The following ARHGEF33 variants were observed in gnomAD, a reference collection of about 807,000 sequenced individuals.
The protein encoded by ARHGEF33 is DH and coiled-coil domain-containing protein ENSP00000381780.
In ARHGEF33, 72 loss-of-function variants were observed where a neutral mutation model predicts 101.9. The observed-to-expected ratio is 0.71, with a 90% CI of 0.58 to 0.86. ARHGEF33 has a LOEUF of 0.86. ARHGEF33 is among the 40% of genes least tolerant of loss of function. ARHGEF33 has a pLI of 0.00. For missense variants in ARHGEF33, 1,169 were observed against 1,111.3 expected, an observed-to-expected ratio of 1.05 and a Z score of -0.74; for synonymous variants, 499 against 442.5, an observed-to-expected ratio of 1.13 and a Z score of -1.60.
At position 38,891,238 on chromosome 2, in the gene ARHGEF33, T is replaced by A. The variant is rs191635312; in HGVS notation, c.-159+1252T>A. Among the ~76,000 whole-genome samples the A allele has an allele frequency of 2.6e-5, 4 of 152,268 alleles. No individual in the cohort carries two copies. In the East Asian group the frequency reaches 7.7e-4, roughly 29 times the overall value. ...TGTGAGCCACCATGCTCGGCCTTAT[T>A]GTTAACTTTTTCTTAATTCCCTTTA... On this transcript the variant is annotated intron_variant, in intron 1 of 17. Coordinates refer to ENST00000409978, the MANE Select transcript of ARHGEF33 (RefSeq NM_001145451.5).
At position 38,953,178 on chromosome 2, in the gene ARHGEF33, A is replaced by G; in HGVS notation, c.1070A>G (p.Tyr357Cys). 1 of 1,519,576 alleles carries G rather than the reference A, an allele frequency of 6.6e-7. No individual in the cohort carries two copies. The highest frequency in any genetic ancestry group is 1.2e-5 in the South Asian group (1 of 83,450). 94.1% of individuals were successfully genotyped at this position (1,519,576 alleles called of 1,614,324 possible). A position where few individuals can be genotyped will look rare whatever the true frequency, so the allele number is the denominator to read the frequency against. ...LTNDENNFLD[Y>C]YVAYLRDLPE... ...GTTTTAAAGAATAATTTCTTGGATTATTATGTTGCCTACCTAAGGGACCTG... is the reference window on the plus strand; with the variant it reads ...GTTTTAAAGAATAATTTCTTGGATTGTTATGTTGCCTACCTAAGGGACCTG... The change falls in exon 12 of 18, where the codon TAT (tyrosine) becomes TGT (cysteine). Residue 357 changes from tyrosine to cysteine, a missense_variant. By Grantham distance (194) the Tyr-to-Cys change is radical (BLOSUM62 -2). Transcript: ENST00000409978.
intron 14 of ARHGEF33, 110 bp from the exon 15 acceptor site, chr2:38,957,924 T>G (rs774446480): frequency 2.2e-6 from 3 of 1,352,414 alleles, no homozygotes; most frequent in Non-Finnish European, 3.0e-6. Flanking sequence ...ATAGAGACCT[T>G]CACAGCAAAC....
intron 2 of ARHGEF33, among the ~76,000 whole-genome samples, chr2:38,902,424 A>G (rs1666268790): frequency 6.6e-6 from 1 of 152,208 alleles, no homozygotes; most frequent in African/African-American, 2.4e-5. Context: ...GGGACTCTGT[A>G]GTGAAGCATT....
At chr2:38,894,565 C>T (rs1301369748) in intron 1 of ARHGEF33, among the ~76,000 whole-genome samples, 1 of 152,174 alleles carries the variant, frequency 6.6e-6, no homozygotes, top group African/African-American at 2.4e-5. Flanking sequence ...TGAGAGGCCC[C>T]CAGGTTCCTG....
At chr2:38,951,904 C>A (rs1252251284) in intron 11 of ARHGEF33, among the ~76,000 whole-genome samples, 1 of 152,164 alleles carries the variant, frequency 6.6e-6, no homozygotes, top group African/African-American at 2.4e-5. Flanking sequence ...CCAGAGGCTG[C>A]AAACTCAAAT....
chr2:38,905,996 C>T (rs1244316213), intron 2 of ARHGEF33, among the ~76,000 whole-genome samples: 1 of 152,022 alleles, frequency 6.6e-6, no homozygotes, highest in African/African-American at 2.4e-5. Flanking sequence ...GTAATCCCAA[C>T]ACTTTGGGAG....
At chr2:38,926,254 C>T (rs1375838665) in intron 4 of ARHGEF33, among the ~76,000 whole-genome samples, 2 of 152,164 alleles carry the variant, frequency 1.3e-5, no homozygotes, top group African/African-American at 4.8e-5. Flanking sequence ...GTTCAACTCG[C>T]TGGAGAACAA....
chr2:38,970,926 C>T (rs1437867354), intron 17 of ARHGEF33, among the ~76,000 whole-genome samples: 1 of 152,152 alleles, frequency 6.6e-6, no homozygotes, highest in Admixed American at 6.5e-5. Flanking sequence ...ATCAGATTGC[C>T]TCCACGATAC....
At chr2:38,955,596 C>T (rs1240256155) in intron 13 of ARHGEF33, among the ~76,000 whole-genome samples, 3 of 145,976 alleles carry the variant, frequency 2.1e-5, no homozygotes, top group African/African-American at 7.6e-5. Context: ...ACCTCCCAGG[C>T]TCAAGCAATG....
At chr2:38,894,414 A>G (rs1013113436) in intron 1 of ARHGEF33, among the ~76,000 whole-genome samples, 3 of 53,146 alleles carry the variant, frequency 5.6e-5, no homozygotes, top group African/African-American at 1.3e-4. Context: ...TAATCTGTAT[A>G]TGCTGGGGGA....
At position 38,939,582 on chromosome 2, in the gene ARHGEF33, TA is replaced by T. The variant is rs200307597; in HGVS notation, c.790+2024del. Among the ~76,000 whole-genome samples the T allele has an allele frequency of 2.4e-4, 36 of 152,332 alleles. No homozygotes were observed. In the East Asian group the frequency reaches 6.9e-3, roughly 29 times the overall value. ...TAATTTGCAGTTCCCTGGTGATTAT[TA>T]GTATTAAGTATGTTTTTATATGCTT... is the stretch of plus-strand genomic sequence containing the variant. On this transcript the variant is annotated intron_variant, in intron 9 of 17. Transcript: ENST00000409978.
intron 2 of ARHGEF33, among the ~76,000 whole-genome samples, chr2:38,897,652 G>C (rs1245745098): frequency 6.6e-6 from 1 of 152,174 alleles, no homozygotes; most frequent in Non-Finnish European, 1.5e-5. Flanking sequence ...TGGGAGTATG[G>C]ATCCCTGAAC....
At position 38,928,993 on chromosome 2, in the gene ARHGEF33, G is replaced by T; in HGVS notation, c.162G>T (p.Leu54Phe). 1 of 1,551,350 alleles carries T rather than the reference G, an allele frequency of 6.4e-7. No individual in the cohort carries two copies. ...LSRIQHGEYA[L>F]EEKVKSCRCS... ...GAATTCAACATGGAGAATATGCTTT[G>T]GAAGAAAAGGTTAAGAGCTGCAGAT... The change falls in exon 5 of 18, where the codon TTG becomes TTT. Residue 54 changes from leucine to phenylalanine, a missense_variant. Physicochemically the swap from Leu to Phe is conservative, Grantham distance 22. Coordinates refer to ENST00000409978, the MANE Select transcript of ARHGEF33 (RefSeq NM_001145451.5).
intron 9 of ARHGEF33, among the ~76,000 whole-genome samples, chr2:38,942,816 G>GT (rs2124400929): frequency 6.6e-6 from 1 of 152,294 alleles, no homozygotes; most frequent in South Asian, 2.1e-4. Context: ...CTAAATGTAT[G>GT]TAAGAAAGAG....
intron 17 of ARHGEF33, among the ~76,000 whole-genome samples, chr2:38,972,391 A>G (rs1051028113): frequency 2.0e-5 from 3 of 152,134 alleles, no homozygotes; most frequent in Non-Finnish European, 4.4e-5. Flanking sequence ...CCACCCAGAT[A>G]TCTTGCTTGA....
chr2:38,959,660 C>G, intron 15 of ARHGEF33, 181 bp from the exon 16 acceptor site: 3 of 651,544 alleles, frequency 4.6e-6, no homozygotes, highest in Non-Finnish European at 7.7e-6. Context: ...GACGGACTGC[C>G]TTGTCCACTC....
intron 7 of ARHGEF33, among the ~76,000 whole-genome samples, chr2:38,932,910 A>C (rs1273367241): frequency 1.3e-5 from 2 of 152,172 alleles, no homozygotes; most frequent in East Asian, 3.8e-4. Flanking sequence ...GTTGCTGCAG[A>C]AATTTAAGAA....
At chr2:38,913,604 A>G (rs763976543) in intron 2 of ARHGEF33, among the ~76,000 whole-genome samples, 20 of 151,902 alleles carry the variant, frequency 1.3e-4, no homozygotes, top group Non-Finnish European at 2.4e-4. Flanking sequence ...GCAAAAACCC[A>G]TCTATATTAA....
At chr2:38,891,735 C>T (rs575808574) in intron 1 of ARHGEF33, among the ~76,000 whole-genome samples, 1 of 152,042 alleles carries the variant, frequency 6.6e-6, no homozygotes, top group Non-Finnish European at 1.5e-5. Flanking sequence ...ACCCGCCCCC[C>T]ACACAATTTA....
Sources: allele counts gnomAD v4.1 joint callset (sites outside exome capture counted in the v4.1 genomes callset), GRCh38; gene constraint gnomAD v4.1.1; transcripts MANE v1.5; gene names NCBI Gene and HGNC (gene_info 2026-07-23, HGNC 2026-07-21).